SGCZ: variants seen among roughly 807,000 people sequenced by gnomAD.
The protein encoded by SGCZ is zeta-sarcoglycan.
SGCZ carries 40 observed loss-of-function variants against 41.3 expected under a neutral mutation model. That is an observed-to-expected ratio of 0.97 (90% confidence interval 0.75 to 1.26). The LOEUF (loss-of-function observed/expected upper bound fraction) is 1.26, where lower values mean the gene tolerates loss of function less well. Among genes scored for constraint, SGCZ ranks in the 50% most tolerant of loss-of-function variants. SGCZ has a pLI of 0.00. For synonymous variants in SGCZ, 206 were observed against 137.5 expected, an observed-to-expected ratio of 1.50 and a Z score of -3.49; for missense variants, 552 against 369.8, an observed-to-expected ratio of 1.49 and a Z score of -4.04.
At chr8:14,988,216 A>C (rs1193610614) in intron 1 of SGCZ, among the ~76,000 whole-genome samples, 1 of 149,750 alleles carries the variant, frequency 6.7e-6, no homozygotes, top group East Asian at 1.9e-4. Flanking sequence ...TAATATTAAC[A>C]AAAATCAATC....
chr8:14,538,947 T>A (rs1457177217), intron 2 of SGCZ, among the ~76,000 whole-genome samples: 1 of 152,010 alleles, frequency 6.6e-6, no homozygotes, highest in African/African-American at 2.4e-5. Flanking sequence ...ATTTCATGTG[T>A]CAGCTTGGCT....
chr8:14,232,717 G>A (rs1806616200), intron 4 of SGCZ, among the ~76,000 whole-genome samples: 1 of 151,970 alleles, frequency 6.6e-6, no homozygotes, highest in Admixed American at 6.6e-5. Flanking sequence ...TCGTCATTTA[G>A]CAGAATATCA....
intron 2 of SGCZ, among the ~76,000 whole-genome samples, chr8:14,376,526 C>T (rs1298483815): frequency 6.6e-6 from 1 of 151,982 alleles, no homozygotes; most frequent in Non-Finnish European, 1.5e-5. Context: ...TGAACTTATA[C>T]AGAAGAAATA....
At chr8:14,468,246 A>G (rs1801107389) in intron 2 of SGCZ, among the ~76,000 whole-genome samples, 2 of 152,050 alleles carry the variant, frequency 1.3e-5, no homozygotes, top group African/African-American at 4.8e-5. Flanking sequence ...ATTGGGTGAT[A>G]GGCATCAGCA....
intron 1 of SGCZ, among the ~76,000 whole-genome samples, chr8:14,981,500 C>T (rs1024591277): frequency 6.6e-5 from 10 of 152,116 alleles, no homozygotes; most frequent in South Asian, 2.1e-4. Flanking sequence ...GGCTTCATTT[C>T]GCAATAAGAA....
At chr8:14,848,778 T>C (rs1803221301) in intron 1 of SGCZ, among the ~76,000 whole-genome samples, 1 of 152,192 alleles carries the variant, frequency 6.6e-6, no homozygotes, top group African/African-American at 2.4e-5. Context: ...CACAATGGAT[T>C]AGGCAAAGAT....
intron 1 of SGCZ, among the ~76,000 whole-genome samples, chr8:14,617,886 T>C (rs894112077): frequency 6.6e-6 from 1 of 151,380 alleles, no homozygotes; most frequent in African/African-American, 2.4e-5. Context: ...GCCTTTAAAA[T>C]GGAAAAATTA....
At chr8:14,520,828 C>G (rs1298352971) in intron 2 of SGCZ, among the ~76,000 whole-genome samples, 2 of 152,002 alleles carry the variant, frequency 1.3e-5, no homozygotes, top group African/African-American at 4.8e-5. Context: ...AGAGAGCATT[C>G]TTTCTCACGC....
At chr8:14,430,031 A>C (rs1585500519) in intron 2 of SGCZ, among the ~76,000 whole-genome samples, 1 of 152,044 alleles carries the variant, frequency 6.6e-6, no homozygotes, top group East Asian at 1.9e-4. Context: ...AATTGAGCTT[A>C]TTTAGATTTT....
chr8:14,187,047 G>C (rs978084160), intron 4 of SGCZ, among the ~76,000 whole-genome samples: 1 of 152,170 alleles, frequency 6.6e-6, no homozygotes. Context: ...GTCTGGGTCA[G>C]GGAAAGAGAA....
intron 2 of SGCZ, among the ~76,000 whole-genome samples, chr8:14,375,948 G>A (rs912600683): frequency 6.6e-6 from 1 of 152,098 alleles, no homozygotes; most frequent in Non-Finnish European, 1.5e-5. Context: ...ATTTAATACT[G>A]CATACAAACT....
intron 1 of SGCZ, among the ~76,000 whole-genome samples, chr8:15,135,248 TAAC>T (rs374879700): frequency 3.9e-5 from 6 of 152,322 alleles, no homozygotes; most frequent in African/African-American, 7.2e-5. Context: ...ACTCTATTTC[TAAC>T]AACACTTTCT....
Position 14,807,194 on chromosome 8 carries a change from A to G in SGCZ, c.40-252268T>C, listed in dbSNP as rs1023839667. Among the ~76,000 whole-genome samples, 58 of 151,718 alleles carry G rather than the reference A, an allele frequency of 3.8e-4. 1 individual carries two copies. The highest frequency in any genetic ancestry group is 7.1e-4 in the Non-Finnish European group (48 of 67,954). On this transcript the variant is annotated intron_variant, in intron 1 of 7. Transcript: ENST00000382080. Reference sequence around the variant, plus strand: ...CAAGACACGGATGCCCTCTCTCACCACTCCTATTCAACATAGTGTTGGAAG... The same window carrying G: ...CAAGACACGGATGCCCTCTCTCACCGCTCCTATTCAACATAGTGTTGGAAG...
chr8:14,757,318 G>T (rs547007854), intron 1 of SGCZ, among the ~76,000 whole-genome samples: 1 of 152,178 alleles, frequency 6.6e-6, no homozygotes, highest in Non-Finnish European at 1.5e-5. Context: ...CAAAGCACTG[G>T]GACTGCAGGC....
At chr8:14,189,602 C>T (rs189774901) in intron 4 of SGCZ, among the ~76,000 whole-genome samples, 181 of 152,240 alleles carry the variant, frequency 1.2e-3, no homozygotes, top group African/African-American at 4.1e-3. Flanking sequence ...CATAATGAGC[C>T]GTCTGCTCAG....
intron 1 of SGCZ, among the ~76,000 whole-genome samples, chr8:14,866,657 A>C (rs1198790795): frequency 6.6e-6 from 1 of 152,020 alleles, no homozygotes; most frequent in East Asian, 1.9e-4. Flanking sequence ...AAAAATACAA[A>C]GAATGAGCTG....
chr8:14,495,003 C>T (rs917004550), intron 2 of SGCZ, among the ~76,000 whole-genome samples: 1 of 152,032 alleles, frequency 6.6e-6, no homozygotes, highest in African/African-American at 2.4e-5. Context: ...ACCTTATATC[C>T]ATGTGTTTGC....
At chr8:14,236,431 G>A (rs1049935572) in intron 4 of SGCZ, among the ~76,000 whole-genome samples, 10 of 151,398 alleles carry the variant, frequency 6.6e-5, no homozygotes, top group African/African-American at 2.4e-4. Context: ...TCCTTTTTGG[G>A]TTCATCAAAA....
intron 1 of SGCZ, among the ~76,000 whole-genome samples, chr8:15,094,708 G>A (rs1265741225): frequency 2.6e-5 from 4 of 152,124 alleles, no homozygotes; most frequent in East Asian, 1.9e-4. Flanking sequence ...TCAAGGGAAG[G>A]ATCAGGTGAA....
Sources: gnomAD v4.1 joint callset for allele counts (sites outside exome capture counted in the v4.1 genomes callset) on GRCh38, gnomAD v4.1.1 for gene constraint, MANE v1.5 for transcripts, NCBI Gene and HGNC (gene_info 2026-07-23, HGNC 2026-07-21) for gene names.